Variants in MYO3A observed in about 807,000 individuals in gnomAD.
The protein encoded by MYO3A is myosin-IIIa.
A neutral mutation model predicts 192.7 loss-of-function variants in MYO3A; 180 were observed. The observed-to-expected ratio is 0.93, with a 90% CI of 0.83 to 1.06. The LOEUF is 1.06. Ranked by LOEUF, MYO3A falls within the 50% of genes least tolerant of loss-of-function variation. The pLI is 0.00. For missense variants in MYO3A, 1,896 were observed against 1,905.0 expected (o/e 1.00, Z 0.09); for synonymous variants, 628 against 645.3 (o/e 0.97, Z 0.41).
chr10:26,145,032 A>T (rs1840370076), intron 21 of MYO3A, among the ~76,000 whole-genome samples: 1 of 152,152 alleles, frequency 6.6e-6, no homozygotes, highest in African/African-American at 2.4e-5. Flanking sequence ...ATAAAAAATT[A>T]GCCAGGCATG....
intron 6 of MYO3A, among the ~76,000 whole-genome samples, chr10:26,006,045 G>T (rs569904961): frequency 3.3e-5 from 5 of 152,044 alleles, no homozygotes; most frequent in African/African-American, 9.6e-5. Flanking sequence ...TTTCAAAGTC[G>T]AATTAAGCTA....
Position 25,997,274 on chromosome 10 carries a change from A to AACTC in MYO3A, c.508+17_508+18insCTCA. 1.3e-6 allele frequency: 2 copies of AACTC among 1,554,064 alleles called. No homozygotes were observed. The highest frequency in any genetic ancestry group is 1.8e-6 in the Non-Finnish European group (2 of 1,125,656). Reference sequence around the variant, plus strand: ...GTAGATTTTGGTAAGTTTTGTTTAAAATGCATGAGTTTTAACTCCATAATG... The same window carrying AACTC: ...GTAGATTTTGGTAAGTTTTGTTTAAAACTCATGCATGAGTTTTAACTCCATAATG... On this transcript the variant is annotated intron_variant, in intron 6 of 34. Coordinates refer to ENST00000642920, the MANE Select transcript of MYO3A (RefSeq NM_017433.5).
At chr10:26,143,057 G>A (rs1383631812) in intron 20 of MYO3A, among the ~76,000 whole-genome samples, 11 of 152,100 alleles carry the variant, frequency 7.2e-5, no homozygotes, top group Admixed American at 5.2e-4. Context: ...CAGGCCGGGC[G>A]CGGTGGCTCA....
intron 11 of MYO3A, among the ~76,000 whole-genome samples, chr10:26,068,546 G>A (rs1262304174): frequency 1.3e-5 from 2 of 152,092 alleles, no homozygotes; most frequent in Non-Finnish European, 2.9e-5. Context: ...GGAAAATGCA[G>A]GTAACAATGA....
intron 32 of MYO3A, among the ~76,000 whole-genome samples, chr10:26,197,772 G>C (rs776086815): frequency 9.2e-5 from 14 of 152,182 alleles, no homozygotes; most frequent in Non-Finnish European, 2.1e-4. Flanking sequence ...CACCATGTTG[G>C]CTAGGCTGGT....
At chr10:26,103,022 G>A (rs1053049044) in intron 17 of MYO3A, among the ~76,000 whole-genome samples, 1 of 152,208 alleles carries the variant, frequency 6.6e-6, no homozygotes, top group Non-Finnish European at 1.5e-5. Flanking sequence ...AGGCGGGCAG[G>A]CCTCCTTGAG....
At chr10:26,143,640 A>G (rs762295351) in intron 21 of MYO3A, 39 bp downstream of exon 21, 2 of 1,606,934 alleles carry the variant, frequency 1.2e-6, no homozygotes, top group Non-Finnish European at 1.7e-6. Context: ...GGTTTTATGA[A>G]TAGAGTCTTG....
intron 4 of MYO3A, among the ~76,000 whole-genome samples, chr10:25,956,642 A>G (rs1837562408): frequency 6.6e-6 from 1 of 151,730 alleles, no homozygotes; most frequent in Non-Finnish European, 1.5e-5. Flanking sequence ...AAATGATTCT[A>G]CAAATAATAG....
intron 4 of MYO3A, among the ~76,000 whole-genome samples, chr10:25,993,455 A>G (rs1840190354): frequency 6.6e-6 from 1 of 152,122 alleles, no homozygotes; most frequent in Admixed American, 6.5e-5. Flanking sequence ...GATTTTTTCA[A>G]AAAACCAGCT....
intron 17 of MYO3A, among the ~76,000 whole-genome samples, chr10:26,113,555 T>A (rs1838325764): frequency 6.6e-6 from 1 of 151,784 alleles, no homozygotes; most frequent in African/African-American, 2.4e-5. Context: ...TTGTTTGTAA[T>A]AACTTAAAAA....
intron 34 of MYO3A, among the ~76,000 whole-genome samples, chr10:26,207,110 G>A (rs1227040337): frequency 1.3e-5 from 2 of 149,454 alleles, no homozygotes; most frequent in East Asian, 3.9e-4. Context: ...TATATATTTT[G>A]GATATTAACC....
intron 4 of MYO3A, among the ~76,000 whole-genome samples, chr10:25,993,090 T>C (rs113618465): frequency 0.095 from 14,424 of 151,996 alleles, 1,208 homozygotes; most frequent in African/African-American, 0.22. Context: ...ATGGTACCAG[T>C]TCCTCCTTGT....
chr10:26,021,837 A>T, intron 8 of MYO3A, 189 bp downstream of exon 8: 1 of 712,030 alleles, frequency 1.4e-6, no homozygotes, highest in Non-Finnish European at 2.3e-6. Flanking sequence ...CCCTGGTCTA[A>T]GTAAAAGAGC....
rs539381523 is a variant in MYO3A at position 26,048,354 on chromosome 10, TG to T, written c.954-18620del. ...AGTATACATTTATATAAATACAGCT[TG>T]TTTTTTTTTTTTAAGCGAAAAATCT... On this transcript the variant is annotated intron_variant, in intron 10 of 34. Coordinates refer to ENST00000642920, the MANE Select transcript of MYO3A (RefSeq NM_017433.5). Among the ~76,000 whole-genome samples, 874 of 142,246 alleles carry T rather than the reference TG, an allele frequency of 6.1e-3. 6 individuals carry two copies. The highest frequency in any genetic ancestry group is 0.021 in the African/African-American group (706 of 33,368). 93.3% of individuals were successfully genotyped at this position (142,246 alleles called of 152,430 possible).
intron 10 of MYO3A, among the ~76,000 whole-genome samples, chr10:26,047,617 C>A: frequency 6.6e-6 from 1 of 151,398 alleles, no homozygotes; most frequent in Non-Finnish European, 1.5e-5. Flanking sequence ...ACTAAAAATA[C>A]AAAAAAAATT....
intron 4 of MYO3A, among the ~76,000 whole-genome samples, chr10:25,961,571 A>C (rs1443745900): frequency 6.6e-6 from 1 of 152,154 alleles, no homozygotes; most frequent in Admixed American, 6.6e-5. Flanking sequence ...TTGGAAAAAA[A>C]GAATAAATTT....
intron 20 of MYO3A, among the ~76,000 whole-genome samples, chr10:26,129,879 A>G (rs1050500678): frequency 6.6e-6 from 1 of 152,234 alleles, no homozygotes; most frequent in African/African-American, 2.4e-5. Flanking sequence ...GACCAAAACA[A>G]GTAAAAAATT....
At chr10:26,197,308 C>G (rs1843457875) in intron 32 of MYO3A, among the ~76,000 whole-genome samples, 1 of 151,962 alleles carries the variant, frequency 6.6e-6, no homozygotes, top group South Asian at 2.1e-4. Context: ...AGTTTCAGTC[C>G]TTTTTTTGAG....
At chr10:26,181,342 G>A (rs1005997873) in intron 31 of MYO3A, among the ~76,000 whole-genome samples, 8 of 152,062 alleles carry the variant, frequency 5.3e-5, no homozygotes, top group Non-Finnish European at 1.2e-4. Flanking sequence ...GTAATAAAAG[G>A]AATTACAAAG....
Sources: gnomAD v4.1 joint callset for allele counts (sites outside exome capture counted in the v4.1 genomes callset) on GRCh38, gnomAD v4.1.1 for gene constraint, MANE v1.5 for transcripts, NCBI Gene and HGNC (gene_info 2026-07-23, HGNC 2026-07-21) for gene names.